Variants in SGK3 observed in about 807,000 individuals in gnomAD.
SGK3 encodes the protein serum/glucocorticoid regulated kinase family member 3.
Under a neutral mutation model 68.5 loss-of-function variants are expected in SGK3, and 47 were observed. The observed-to-expected ratio is 0.69, with a 90% CI of 0.54 to 0.87. SGK3 has a LOEUF of 0.87. Ranked by LOEUF, SGK3 falls within the 40% of genes least tolerant of loss-of-function variation. SGK3 has a pLI of 0.00. For synonymous variants in SGK3, 181 were observed against 189.1 expected, an observed-to-expected ratio of 0.96 and a Z score of 0.35; for missense variants, 479 against 575.5, an observed-to-expected ratio of 0.83 and a Z score of 1.72.
chr8:66,834,365 T>A (rs979892476), intron 8 of SGK3, among the ~76,000 whole-genome samples: 17 of 152,206 alleles, frequency 1.1e-4, no homozygotes, highest in African/African-American at 3.9e-4. Flanking sequence ...TTATCTGTGT[T>A]ATTTGAAGTT....
intron 1 of SGK3, among the ~76,000 whole-genome samples, chr8:66,755,341 A>G (rs1805944397): frequency 1.3e-5 from 2 of 152,136 alleles, no homozygotes; most frequent in African/African-American, 4.8e-5. Context: ...TTTTGATTAA[A>G]AGATTGTTGT....
intron 2 of SGK3, 42 bp from the exon 3 acceptor site, chr8:66,798,500 C>A: frequency 6.6e-7 from 1 of 1,520,262 alleles, no homozygotes; most frequent in Non-Finnish European, 8.9e-7. Flanking sequence ...GGGTTTTTTG[C>A]AATTAAATTG....
chr8:66,842,566 T>C (rs942814964), intron 13 of SGK3, among the ~76,000 whole-genome samples: 18 of 152,326 alleles, frequency 1.2e-4, no homozygotes, highest in African/African-American at 3.4e-4. Flanking sequence ...AGAGGTAATA[T>C]ATTTTGGAAT....
chr8:66,745,628 G>A (rs1805634730), intron 1 of SGK3, among the ~76,000 whole-genome samples: 2 of 152,076 alleles, frequency 1.3e-5, no homozygotes, highest in South Asian at 4.2e-4. Flanking sequence ...AAAGTTTTGT[G>A]TATCTGGGTG....
At chr8:66,726,325 C>T (rs1466071377) in intron 1 of SGK3, among the ~76,000 whole-genome samples, 1 of 152,102 alleles carries the variant, frequency 6.6e-6, no homozygotes, top group Non-Finnish European at 1.5e-5. Flanking sequence ...TGTGGCAACA[C>T]GAGGCAGAGC....
chr8:66,857,343 T>A (rs759168967), intron 16 of SGK3, among the ~76,000 whole-genome samples: 13 of 152,182 alleles, frequency 8.5e-5, no homozygotes, highest in African/African-American at 2.4e-4. Context: ...ATATCCACTC[T>A]GAATTTCTAT....
intron 2 of SGK3, among the ~76,000 whole-genome samples, chr8:66,796,966 A>G (rs1807724449): frequency 6.6e-6 from 1 of 151,886 alleles, no homozygotes; most frequent in African/African-American, 2.4e-5. Context: ...ACCAATGGAA[A>G]TATTTTTAAG....
chr8:66,763,868 T>TGGGAA (rs1435637652), intron 1 of SGK3, among the ~76,000 whole-genome samples: 1 of 152,132 alleles, frequency 6.6e-6, no homozygotes, highest in Non-Finnish European at 1.5e-5. Context: ...AAAAAGTTAT[T>TGGGAA]ATTACTGTTA....
At chr8:66,727,128 G>A (rs1202064689) in intron 1 of SGK3, among the ~76,000 whole-genome samples, 1 of 152,008 alleles carries the variant, frequency 6.6e-6, no homozygotes, top group African/African-American at 2.4e-5. Flanking sequence ...TTGAGACAGG[G>A]TCTTCCTCTG....
At chr8:66,855,509 A>G (rs757914398) in intron 16 of SGK3, among the ~76,000 whole-genome samples, 12 of 152,104 alleles carry the variant, frequency 7.9e-5, no homozygotes, top group Non-Finnish European at 1.6e-4. Flanking sequence ...AACCGACTAC[A>G]TAAGATTTTA....
intron 1 of SGK3, among the ~76,000 whole-genome samples, chr8:66,770,455 A>G (rs527599513): frequency 1.4e-3 from 206 of 152,202 alleles, no homozygotes; most frequent in Non-Finnish European, 2.3e-3. Flanking sequence ...AAATAGTTCA[A>G]TCCTTTCAGA....
chr8:66,756,004 G>A (rs1805963110), intron 1 of SGK3, among the ~76,000 whole-genome samples: 1 of 152,112 alleles, frequency 6.6e-6, no homozygotes, highest in Non-Finnish European at 1.5e-5. Flanking sequence ...CTAGCCCCCA[G>A]TATCTCAGAC....
intron 14 of SGK3, among the ~76,000 whole-genome samples, chr8:66,843,993 C>CAAAA (rs11311018): frequency 5.6e-5 from 4 of 71,392 alleles, no homozygotes; most frequent in Admixed American, 1.9e-4. Context: ...GACTCTGTCT[C>CAAAA]AAAAAAAAAA....
intron 1 of SGK3, among the ~76,000 whole-genome samples, chr8:66,733,079 C>T (rs947934873): frequency 3.3e-5 from 5 of 151,864 alleles, no homozygotes; most frequent in Non-Finnish European, 7.4e-5. Context: ...CCAGAAAAGC[C>T]GAATCATTTC....
At chr8:66,825,704 G>A (rs768686152) in intron 6 of SGK3, among the ~76,000 whole-genome samples, 2 of 152,164 alleles carry the variant, frequency 1.3e-5, no homozygotes, top group African/African-American at 2.4e-5. Flanking sequence ...GAGAAAAATA[G>A]AGGCCAAGGG....
At chr8:66,744,100 A>T (rs1325302175) in intron 1 of SGK3, among the ~76,000 whole-genome samples, 1 of 152,192 alleles carries the variant, frequency 6.6e-6, no homozygotes, top group East Asian at 1.9e-4. Context: ...TTACTGAGAC[A>T]GCGTGCATGG....
chr8:66,793,695 G>T lies in SGK3; in HGVS notation c.-42G>T, dbSNP rs199901088. ...TAATTGGGTTTGTCCTCTGCTGACT[G>T]TTTCTTCGGATGCATTTTTTGGTGT... On this transcript the variant is annotated 5_prime_UTR_variant, in exon 2 of 17. Transcript: ENST00000521198. 4,352 of 1,591,310 alleles carry T rather than the reference G, an allele frequency of 2.7e-3. 10 individuals are homozygous for T. The highest frequency in any genetic ancestry group is 3.2e-3 in the Non-Finnish European group (3,693 of 1,166,456).
intron 4 of SGK3, among the ~76,000 whole-genome samples, chr8:66,809,378 AAAGCAGGG>A: frequency 6.6e-6 from 1 of 152,324 alleles, no homozygotes; most frequent in Middle Eastern, 3.4e-3. Flanking sequence ...AGCTTGCCTG[AAAGCAGGG>A]AAGCTATTTA....
At chr8:66,715,067 A>C (rs1022964906) in intron 1 of SGK3, among the ~76,000 whole-genome samples, 2 of 152,336 alleles carry the variant, frequency 1.3e-5, no homozygotes, top group Middle Eastern at 6.8e-3. Flanking sequence ...GACAGTATCT[A>C]ATACAGCACA....
Sources: allele counts gnomAD v4.1 joint callset (sites outside exome capture counted in the v4.1 genomes callset), GRCh38; gene constraint gnomAD v4.1.1; transcripts MANE v1.5; gene names NCBI Gene and HGNC (gene_info 2026-07-23, HGNC 2026-07-21).